The following PEBP4 variants were observed in gnomAD, a reference collection of about 807,000 sequenced individuals.
PEBP4 encodes phosphatidylethanolamine binding protein 4, also known as phosphatidylethanolamine-binding protein 4.
In PEBP4, 22 loss-of-function variants were observed where a neutral mutation model predicts 23.9. The observed-to-expected ratio is 0.92, with a 90% CI of 0.66 to 1.31. The LOEUF (loss-of-function observed/expected upper bound fraction) is 1.31. Ranked by LOEUF, PEBP4 falls within the 40% of genes most tolerant of loss-of-function variation. PEBP4 has a pLI of 0.00. For missense variants in PEBP4, 324 were observed against 281.7 expected (o/e 1.15, Z -1.07); for synonymous variants, 112 against 99.3 (o/e 1.13, Z -0.76).
chr8:22,719,903 G>C (rs1192263898), intron 6 of PEBP4, among the ~76,000 whole-genome samples: 1 of 152,344 alleles, frequency 6.6e-6, no homozygotes, highest in East Asian at 1.9e-4. Flanking sequence ...TGTGGGCATG[G>C]TACTCACAGA....
At chr8:22,815,472 C>T (rs975301090) in intron 4 of PEBP4, among the ~76,000 whole-genome samples, 3 of 152,208 alleles carry the variant, frequency 2.0e-5, no homozygotes, top group African/African-American at 7.2e-5. Context: ...TCAGAGCCTT[C>T]ACTTCCTCTG....
At chr8:22,738,003 C>A (rs1480980307) in intron 4 of PEBP4, among the ~76,000 whole-genome samples, 1 of 152,074 alleles carries the variant, frequency 6.6e-6, no homozygotes, top group Non-Finnish European at 1.5e-5. Context: ...ACCCTTGGAG[C>A]CCCGGGAGCC....
intron 3 of PEBP4, among the ~76,000 whole-genome samples, chr8:22,828,492 A>G (rs921254457): frequency 6.6e-6 from 1 of 152,030 alleles, no homozygotes; most frequent in East Asian, 1.9e-4. Context: ...CTCTCCAGCA[A>G]TTGCTCTCTA....
intron 3 of PEBP4, among the ~76,000 whole-genome samples, chr8:22,871,998 G>C (rs560189913): frequency 6.6e-6 from 1 of 152,168 alleles, no homozygotes; most frequent in East Asian, 1.9e-4. Context: ...TCATAGTTTA[G>C]CTCCCACTTA....
chr8:22,715,337 C>A (rs1400317350), intron 6 of PEBP4, among the ~76,000 whole-genome samples: 3 of 152,248 alleles, frequency 2.0e-5, no homozygotes, highest in African/African-American at 7.2e-5. Context: ...CCCTAGGAGC[C>A]CAGCTGGCTG....
chr8:22,872,683 AT>A (rs1432609183), intron 3 of PEBP4, among the ~76,000 whole-genome samples: 1 of 152,008 alleles, frequency 6.6e-6, no homozygotes, highest in Non-Finnish European at 1.5e-5. Flanking sequence ...CTGGTTTAAA[AT>A]TTTTGTTTTT....
At chr8:22,927,541 G>C (rs749318675) in intron 2 of PEBP4, 43 bp downstream of exon 2, 2 of 1,583,020 alleles carry the variant, frequency 1.3e-6, no homozygotes, top group South Asian at 2.3e-5. Context: ...CTACCTGCCT[G>C]GTAGCCTCTG....
intron 4 of PEBP4, among the ~76,000 whole-genome samples, chr8:22,812,761 C>A (rs1806657943): frequency 6.6e-6 from 1 of 152,092 alleles, no homozygotes; most frequent in Non-Finnish European, 1.5e-5. Flanking sequence ...GAGATTATAT[C>A]ATTATTTTTA....
rs539255271 is a variant in PEBP4, at chr8:22,873,883, T to A, written c.258+46301A>T. The stretch of plus-strand genomic sequence containing the variant: ...AGGAGAGATTTAAGAGTTCCCCCAG[T>A]GTGTGAACTTCAGGATTTGTAGGAT... On this transcript the variant is annotated intron_variant, in intron 3 of 6. Transcript: ENST00000256404. 2.0e-4 allele frequency among the ~76,000 whole-genome samples: 31 copies of A among 152,258 alleles called. 1 individual carries two copies. In the South Asian group the frequency reaches 6.4e-3, roughly 32 times the overall value.
chr8:22,842,250 G>T (rs556401782), intron 3 of PEBP4, among the ~76,000 whole-genome samples: 28 of 152,280 alleles, frequency 1.8e-4, no homozygotes, highest in African/African-American at 6.5e-4. Context: ...AGAAACTGGC[G>T]GATGGTCGAT....
chr8:22,818,553 G>A (rs946188475), intron 3 of PEBP4, among the ~76,000 whole-genome samples: 5 of 152,182 alleles, frequency 3.3e-5, no homozygotes, highest in Non-Finnish European at 7.3e-5. Flanking sequence ...CAGGCCACAG[G>A]GGGCTCTCTA....
intron 4 of PEBP4, among the ~76,000 whole-genome samples, chr8:22,798,897 C>T (rs967237325): frequency 1.3e-5 from 2 of 151,362 alleles, no homozygotes; most frequent in African/African-American, 2.4e-5. Context: ...GACACCATGC[C>T]CGGCTAATTT....
upstream of PEBP4, among the ~76,000 whole-genome samples, chr8:22,932,245 G>A (rs188036916): frequency 3.3e-3 from 507 of 152,278 alleles, 2 homozygotes; most frequent in African/African-American, 0.012. Context: ...GGTGGAGGTG[G>A]GATAAGACGT....
intron 3 of PEBP4, among the ~76,000 whole-genome samples, chr8:22,838,443 A>C (rs769183800): frequency 6.6e-6 from 1 of 152,098 alleles, no homozygotes; most frequent in Non-Finnish European, 1.5e-5. Context: ...ATTGCTTGCT[A>C]AGGAGCCTGC....
chr8:22,752,998 T>A (rs1441251015), intron 4 of PEBP4, among the ~76,000 whole-genome samples: 1 of 152,172 alleles, frequency 6.6e-6, no homozygotes, highest in Non-Finnish European at 1.5e-5. Flanking sequence ...ATTGCCCAAG[T>A]TGAGTTTCCT....
At chr8:22,860,402 G>T (rs1461313513) in intron 3 of PEBP4, among the ~76,000 whole-genome samples, 1 of 151,816 alleles carries the variant, frequency 6.6e-6, no homozygotes, top group Non-Finnish European at 1.5e-5. Context: ...TCTCCCCCCA[G>T]CTCCTGGCAA....
chr8:22,815,043 G>A (rs555381733), intron 4 of PEBP4: 4 of 152,040 alleles, frequency 2.6e-5, no homozygotes, highest in African/African-American at 7.2e-5. Flanking sequence ...TAAGGGACGC[G>A]GATTGAAGAC....
At chr8:22,831,174 A>G (rs60930858) in intron 3 of PEBP4, among the ~76,000 whole-genome samples, 10,391 of 152,258 alleles carry the variant, frequency 0.068, 581 homozygotes, top group African/African-American at 0.15. Flanking sequence ...TCAGAACTCA[A>G]TTCAAGGTCA....
chr8:22,810,073 T>C (rs554410877), intron 4 of PEBP4, among the ~76,000 whole-genome samples: 35 of 152,350 alleles, frequency 2.3e-4, no homozygotes, highest in African/African-American at 7.9e-4. Flanking sequence ...CCTGGAAAAC[T>C]TCCCCCACTG....
Sources: gnomAD v4.1 joint callset for allele counts (sites outside exome capture counted in the v4.1 genomes callset) on GRCh38, gnomAD v4.1.1 for gene constraint, MANE v1.5 for transcripts, NCBI Gene and HGNC (gene_info 2026-07-23, HGNC 2026-07-21) for gene names.